The following ROBO1 variants were observed in gnomAD, a reference collection of about 807,000 sequenced individuals.
ROBO1 encodes the protein roundabout homolog 1.
A neutral mutation model predicts 195.9 loss-of-function variants in ROBO1; 149 were observed. The ratio of observed to expected loss-of-function variants is 0.76; its 90% confidence interval spans 0.67 to 0.87. The LOEUF (loss-of-function observed/expected upper bound fraction) is 0.87, where lower values mean the gene tolerates loss of function less well. Among genes scored for constraint, ROBO1 ranks in the 40% least tolerant of loss-of-function variants. The probability of loss-of-function intolerance (pLI) is 0.00; values close to 1 mark genes in which losing one functional copy is unlikely to be tolerated. For missense variants in ROBO1, 1,933 were observed against 2,068.3 expected, an observed-to-expected ratio of 0.93 and a Z score of 1.27; for synonymous variants, 816 against 733.2, an observed-to-expected ratio of 1.11 and a Z score of -1.82.
intron 2 of ROBO1, among the ~76,000 whole-genome samples, chr3:79,569,104 ACACGCATGCGCGTGCACACGCG>A (rs1943186661): frequency 6.6e-6 from 1 of 150,522 alleles, no homozygotes; most frequent in African/African-American, 2.5e-5. Context: ...TATTAACCAG[ACACGCATGCGCGTGCACACGCG>A]CACACACACA....
intron 2 of ROBO1, among the ~76,000 whole-genome samples, chr3:79,371,883 C>G (rs2036208731): frequency 6.6e-6 from 1 of 152,090 alleles, no homozygotes; most frequent in Non-Finnish European, 1.5e-5. Context: ...GCACCAGGGA[C>G]CAGTTTCTTG....
rs931199751 is a variant in ROBO1 at position 79,715,971 on chromosome 3, T to G, written c.-51+51781A>C. On this transcript the variant is annotated intron_variant, in intron 1 of 30. Transcript: ENST00000464233. ...ATAGGAATCTTAATGTGACTCTGCT[T>G]TTTCCTTTTGAGTAAAATAGAATGA... is the stretch of plus-strand genomic sequence containing the variant. 4.6e-5 allele frequency among the ~76,000 whole-genome samples: 7 copies of G among 152,030 alleles called. 1 individual carries two copies. The highest frequency in any genetic ancestry group is 9.7e-5 in the African/African-American group (4 of 41,418).
At chr3:78,717,946 T>C in intron 5 of ROBO1, 63 bp from the exon 6 acceptor site, 1 of 1,533,398 alleles carries the variant, frequency 6.5e-7, no homozygotes, top group Admixed American at 1.8e-5. Context: ...ACATGACAGA[T>C]GTCTTCATAA....
At chr3:79,308,560 T>C (rs1434011610) in intron 2 of ROBO1, among the ~76,000 whole-genome samples, 1 of 152,132 alleles carries the variant, frequency 6.6e-6, no homozygotes, top group Non-Finnish European at 1.5e-5. Flanking sequence ...AGCAAAGTTA[T>C]ATTACTCATG....
chr3:78,827,184 T>C (rs1006029696), intron 4 of ROBO1, among the ~76,000 whole-genome samples: 1 of 152,178 alleles, frequency 6.6e-6, no homozygotes, highest in Non-Finnish European at 1.5e-5. Context: ...AAAGAACTTA[T>C]GTGAAATTGT....
At chr3:78,628,461 T>G (rs1704965131) in intron 25 of ROBO1, among the ~76,000 whole-genome samples, 2 of 152,304 alleles carry the variant, frequency 1.3e-5, no homozygotes, top group Non-Finnish European at 2.9e-5. Context: ...ACTCCTCTGC[T>G]GGAGATGGGT....
chr3:78,861,394 C>T (rs1173866457), intron 4 of ROBO1, among the ~76,000 whole-genome samples: 1 of 152,172 alleles, frequency 6.6e-6, no homozygotes, highest in Non-Finnish European at 1.5e-5. Context: ...GCCTTCCAAC[C>T]AGTCCTGCCT....
chr3:79,689,090 C>T (rs547628595), intron 1 of ROBO1, among the ~76,000 whole-genome samples: 185 of 151,866 alleles, frequency 1.2e-3, no homozygotes, highest in African/African-American at 4.3e-3. Flanking sequence ...TATATATAGT[C>T]ATCGAAAAAT....
At chr3:79,237,661 A>G (rs891710017) in intron 2 of ROBO1, among the ~76,000 whole-genome samples, 1 of 152,164 alleles carries the variant, frequency 6.6e-6, no homozygotes, top group African/African-American at 2.4e-5. Flanking sequence ...CGGTCACTCT[A>G]TCCGAGTCAT....
At chr3:79,072,630 A>C (rs754585766) in intron 3 of ROBO1, among the ~76,000 whole-genome samples, 13 of 151,914 alleles carry the variant, frequency 8.6e-5, no homozygotes, top group African/African-American at 1.4e-4. Context: ...TGGATTTGGA[A>C]CATTCTTCGC....
intron 4 of ROBO1, among the ~76,000 whole-genome samples, chr3:78,779,362 C>T (rs2083602977): frequency 6.6e-6 from 1 of 152,198 alleles, no homozygotes; most frequent in Middle Eastern, 3.4e-3. Context: ...ACCCATCTGA[C>T]AAAGGGCTAA....
chr3:78,701,209 C>T (rs1461072379), intron 8 of ROBO1, among the ~76,000 whole-genome samples: 3 of 152,124 alleles, frequency 2.0e-5, no homozygotes, highest in African/African-American at 7.2e-5. Context: ...TGACTTTTAA[C>T]AAGAAATGAT....
intron 1 of ROBO1, among the ~76,000 whole-genome samples, chr3:79,765,285 C>T (rs1704922643): frequency 6.6e-6 from 1 of 152,124 alleles, no homozygotes; most frequent in Middle Eastern, 3.2e-3. Context: ...CTTAGATATC[C>T]TAATTTTTAT....
chr3:78,671,708 T>C (rs1033310261), intron 10 of ROBO1, among the ~76,000 whole-genome samples: 6 of 152,106 alleles, frequency 3.9e-5, no homozygotes, highest in Non-Finnish European at 1.5e-5. Context: ...AGGGTGAAAT[T>C]TGCAATATCA....
At chr3:79,140,577 A>T (rs1376495679) in intron 2 of ROBO1, among the ~76,000 whole-genome samples, 1 of 152,142 alleles carries the variant, frequency 6.6e-6, no homozygotes, top group Non-Finnish European at 1.5e-5. Flanking sequence ...AGTTAGTAAA[A>T]GTTTGCTATT....
At chr3:79,064,076 G>T (rs1005706137) in intron 3 of ROBO1, among the ~76,000 whole-genome samples, 2 of 151,838 alleles carry the variant, frequency 1.3e-5, no homozygotes, top group Non-Finnish European at 2.9e-5. Context: ...TTTCAAGGGA[G>T]CTGGAAGAGA....
intron 3 of ROBO1, among the ~76,000 whole-genome samples, chr3:79,050,557 A>G (rs1269297243): frequency 6.6e-6 from 1 of 152,154 alleles, no homozygotes; most frequent in Non-Finnish European, 1.5e-5. Flanking sequence ...CCTAATAGAC[A>G]TCTACTGAAC....
At chr3:79,452,034 CTT>C (rs1271962590) in intron 2 of ROBO1, among the ~76,000 whole-genome samples, 1 of 151,856 alleles carries the variant, frequency 6.6e-6, no homozygotes, top group African/African-American at 2.4e-5. Context: ...TTTTAAGACT[CTT>C]AAACTTCTTT....
In ROBO1 at chr3:79,006,012, T is replaced by C. The variant is rs189784576; in HGVS notation, c.173-67085A>G. Among the ~76,000 whole-genome samples the C allele has an allele frequency of 2.0e-5, 3 of 152,336 alleles. No individual in the cohort carries two copies. In the East Asian group the frequency reaches 5.8e-4, roughly 29 times the overall value. On this transcript the variant is annotated intron_variant, in intron 3 of 30. Transcript: ENST00000464233. ...ATTTCCTTAATGTATTTTCTTAACATGTAATTCATATGCAACACAGTAGTG... is the reference window on the plus strand; with the variant it reads ...ATTTCCTTAATGTATTTTCTTAACACGTAATTCATATGCAACACAGTAGTG...
Sources: allele counts gnomAD v4.1 joint callset (sites outside exome capture counted in the v4.1 genomes callset), GRCh38; gene constraint gnomAD v4.1.1; transcripts MANE v1.5; gene names NCBI Gene and HGNC (gene_info 2026-07-23, HGNC 2026-07-21).